The following TMEM181 variants were observed in gnomAD, a reference collection of about 807,000 sequenced individuals.
TMEM181 encodes the protein transmembrane protein 181.
TMEM181 carries 39 observed loss-of-function variants against 71.9 expected under a neutral mutation model. The observed-to-expected ratio is 0.54, with a 90% CI of 0.42 to 0.71. TMEM181 has a LOEUF of 0.71. Ranked by LOEUF, TMEM181 falls within the 30% of genes least tolerant of loss-of-function variation. The pLI, the probability that TMEM181 is intolerant of heterozygous loss-of-function variation, is 0.00. For synonymous variants in TMEM181, 245 were observed against 228.8 expected, an observed-to-expected ratio of 1.07 and a Z score of -0.64; for missense variants, 595 against 583.0, an observed-to-expected ratio of 1.02 and a Z score of -0.21.
intron 6 of TMEM181, among the ~76,000 whole-genome samples, chr6:158,598,166 A>G (rs182639382): frequency 6.6e-6 from 1 of 152,244 alleles, no homozygotes; most frequent in African/African-American, 2.4e-5. Flanking sequence ...TACAAAAATC[A>G]CTTGTACTCA....
At chr6:158,544,743 A>C (rs1781469932) in intron 1 of TMEM181, among the ~76,000 whole-genome samples, 1 of 152,034 alleles carries the variant, frequency 6.6e-6, no homozygotes, top group Non-Finnish European at 1.5e-5. Context: ...GCTCCCTGTA[A>C]GGCCTGCCCA....
At chr6:158,588,648 A>G (rs925752860) in intron 5 of TMEM181, among the ~76,000 whole-genome samples, 1 of 152,114 alleles carries the variant, frequency 6.6e-6, no homozygotes, top group Non-Finnish European at 1.5e-5. Flanking sequence ...ATGGGGTTTC[A>G]CTATGTTGGC....
Position 158,623,625 on chromosome 6 carries a change from G to C in TMEM181, c.954+18G>C, listed in dbSNP as rs762514041. The C allele has an allele frequency of 6.5e-7, 1 of 1,542,858 alleles. No homozygotes were observed. The highest frequency in any genetic ancestry group is 1.2e-5 in the South Asian group (1 of 80,342). On this transcript the variant is annotated intron_variant, in intron 11 of 16. Coordinates refer to ENST00000684151, the MANE Select transcript of TMEM181 (RefSeq NM_001376852.1). ...ATTTTCAGGTAAGGATTGTTAATGAGGCCTGCAATTTTTCTTCTTAATGCT... is the reference window on the plus strand; with the variant it reads ...ATTTTCAGGTAAGGATTGTTAATGACGCCTGCAATTTTTCTTCTTAATGCT...
intron 10 of TMEM181, chr6:158,621,321 G>A (rs116764621): frequency 0.018 from 2,871 of 155,528 alleles, 105 homozygotes; most frequent in African/African-American, 0.065. Flanking sequence ...TGAAATGCAG[G>A]AGGTTAGAAA....
chr6:158,573,712 G>T (rs963551802), intron 2 of TMEM181, among the ~76,000 whole-genome samples, 189 bp downstream of exon 2: 15 of 152,216 alleles, frequency 9.9e-5, no homozygotes, highest in Admixed American at 7.2e-4. Context: ...TGGGGGAGGT[G>T]TGCAGTAAGT....
chr6:158,580,725 T>C (rs915884995), intron 2 of TMEM181, among the ~76,000 whole-genome samples: 3 of 152,176 alleles, frequency 2.0e-5, no homozygotes, highest in Admixed American at 2.0e-4. Flanking sequence ...GGTTGACTTG[T>C]GTTGGGAAGT....
intron 5 of TMEM181, among the ~76,000 whole-genome samples, chr6:158,588,959 CTG>C (rs1783941307): frequency 6.6e-6 from 1 of 152,164 alleles, no homozygotes; most frequent in African/African-American, 2.4e-5. Context: ...GTGGCTGGCT[CTG>C]TGTGCATGGC....
chr6:158,600,458 A>ATTTTTT (rs61457107), intron 6 of TMEM181, among the ~76,000 whole-genome samples: 66 of 91,866 alleles, frequency 7.2e-4, no homozygotes, highest in African/African-American at 2.2e-3. Context: ...CCTAGGGTTA[A>ATTTTTT]TTTTTTTTTT....
chr6:158,558,177 C>T (rs995068818), upstream of TMEM181, among the ~76,000 whole-genome samples: 5 of 152,152 alleles, frequency 3.3e-5, no homozygotes, highest in African/African-American at 1.2e-4. Context: ...AGTTTCCTCT[C>T]GCTGGAGATG....
chr6:158,560,024 C>T (rs1375375038), upstream of TMEM181: 5 of 984,640 alleles, frequency 5.1e-6, no homozygotes, highest in East Asian at 2.3e-4. Context: ...CCCGCTTCCA[C>T]CGCGCCGCGC....
intron 5 of TMEM181, among the ~76,000 whole-genome samples, chr6:158,587,127 C>G (rs994230108): frequency 2.0e-5 from 3 of 152,220 alleles, no homozygotes; most frequent in African/African-American, 4.8e-5. Context: ...ACCCATCGTC[C>G]TGGTTTGCTT....
rs1786672673 is a variant in TMEM181 at position 158,631,686 on chromosome 6, G to A, written c.1350-124G>A. 1.1e-5 allele frequency: 12 copies of A among 1,102,856 alleles called. No individual in the cohort carries two copies. In the South Asian group the frequency reaches 1.5e-4, roughly 13 times the overall value. The allele number at this position is 1,102,856 out of a possible 1,614,324, so 68.3% of individuals were successfully genotyped here. On this transcript the variant is annotated intron_variant, in intron 16 of 16. Transcript: ENST00000684151. ...GAGGACGGGGTGAGCAGTAGCAGTT[G>A]GTGATAGAAAATTGAAAGAGCGAAG...
chr6:158,596,937 G>A (rs1251868841), intron 6 of TMEM181, among the ~76,000 whole-genome samples: 2 of 152,192 alleles, frequency 1.3e-5, no homozygotes, highest in Non-Finnish European at 2.9e-5. Context: ...TATAATTCAA[G>A]TTGAGATTTG....
At chr6:158,566,733 G>GTGAGGGAGGTGATGGTGAGGAGT (rs1782525761) in intron 1 of TMEM181, among the ~76,000 whole-genome samples, 1 of 151,954 alleles carries the variant, frequency 6.6e-6, no homozygotes, top group Admixed American at 6.6e-5. Context: ...AAGTGATACG[G>GTGAGGGAGGTGATGGTGAGGAGT]TGAGGGAGGT....
chr6:158,551,029 C>T (rs1054516224), intron 1 of TMEM181, among the ~76,000 whole-genome samples: 3 of 148,264 alleles, frequency 2.0e-5, no homozygotes, highest in Admixed American at 1.4e-4. Flanking sequence ...GGTGCAATCT[C>T]GGCTCACTGC....
intron 13 of TMEM181, chr6:158,626,570 G>A (rs1236758627): frequency 2.2e-6 from 1 of 456,474 alleles, no homozygotes; most frequent in Non-Finnish European, 4.4e-6. Flanking sequence ...GACTGAGATA[G>A]GCATCCAAGG....
chr6:158,590,863 C>T (rs1784072244), intron 6 of TMEM181, among the ~76,000 whole-genome samples: 2 of 152,212 alleles, frequency 1.3e-5, no homozygotes, highest in Admixed American at 1.3e-4. Context: ...ATTTCCCATT[C>T]CCTCCCCCAC....
chr6:158,570,674 C>T (rs1175790477), intron 1 of TMEM181, among the ~76,000 whole-genome samples: 2 of 152,130 alleles, frequency 1.3e-5, no homozygotes, highest in Non-Finnish European at 2.9e-5. Context: ...AGGCTCCAAC[C>T]TACACCAACT....
At chr6:158,576,742 AGATTT>A (rs1783180125) in intron 2 of TMEM181, among the ~76,000 whole-genome samples, 1 of 152,150 alleles carries the variant, frequency 6.6e-6, no homozygotes, top group African/African-American at 2.4e-5. Context: ...GTACATTATT[AGATTT>A]AAGTGTCCAC....
Sources: gnomAD v4.1 joint callset for allele counts (sites outside exome capture counted in the v4.1 genomes callset) on GRCh38, gnomAD v4.1.1 for gene constraint, MANE v1.5 for transcripts, NCBI Gene and HGNC (gene_info 2026-07-23, HGNC 2026-07-21) for gene names.